PFKFB3: variants seen among roughly 807,000 people sequenced by gnomAD.
PFKFB3 encodes 6-phosphofructo-2-kinase/fructose-2,6-bisphosphatase 3.
In PFKFB3, 33 loss-of-function variants were observed where a neutral mutation model predicts 68.0. The observed-to-expected ratio is 0.49, with a 90% CI of 0.37 to 0.65. The LOEUF (loss-of-function observed/expected upper bound fraction) is 0.65. PFKFB3 is among the 30% of genes least tolerant of loss of function. PFKFB3 has a pLI of 0.00. For missense variants in PFKFB3, 586 were observed against 712.2 expected, an observed-to-expected ratio of 0.82 and a Z score of 2.02; for synonymous variants, 315 against 288.2, an observed-to-expected ratio of 1.09 and a Z score of -0.94.
At chr10:6,155,588 G>A (rs930866857) in intron 1 of PFKFB3, among the ~76,000 whole-genome samples, 7 of 152,074 alleles carry the variant, frequency 4.6e-5, no homozygotes, top group Non-Finnish European at 8.8e-5. Flanking sequence ...TTCCATAAAT[G>A]TCAAGGGCTC....
At position 6,219,658 on chromosome 10, in the gene PFKFB3, C is replaced by T. The variant is rs1429915734; in HGVS notation, c.588C>T (p.Ala196=). The T allele has an allele frequency of 1.9e-6, 3 of 1,613,786 alleles. No individual in the cohort carries two copies. The highest frequency in any genetic ancestry group is 2.7e-5 in the African/African-American group (2 of 74,920). Residue 196 remains alanine, a synonymous_variant, in exon 7 of 15, where the codon GCC becomes GCT. Coordinates refer to ENST00000379775, the MANE Select transcript of PFKFB3 (RefSeq NM_004566.4). ...TGAAGAGGATCAGTTGCTATGAAGC[C>T]AGCTACCAGCCCCTCGACCCCGACA... ...DFMKRISCYE[A]SYQPLDPDKC...
intron 14 of PFKFB3, among the ~76,000 whole-genome samples, chr10:6,244,692 G>C (rs966326002): frequency 6.6e-6 from 1 of 152,088 alleles, no homozygotes; most frequent in Admixed American, 6.6e-5. Flanking sequence ...AAGGATTAGG[G>C]AGGGATGAGA....
intron 2 of PFKFB3, among the ~76,000 whole-genome samples, 171 bp downstream of exon 2, chr10:6,213,919 T>A (rs550666291): frequency 6.6e-6 from 1 of 152,272 alleles, no homozygotes; most frequent in South Asian, 2.1e-4. Context: ...CTACACCCTT[T>A]TTCTTCTGTT....
chr10:6,240,168 G>T (rs1564230431), downstream of PFKFB3, among the ~76,000 whole-genome samples: 1 of 152,202 alleles, frequency 6.6e-6, no homozygotes, highest in Non-Finnish European at 1.5e-5. Context: ...CAGGACGTTT[G>T]CAAGTTAGCA....
intron 1 of PFKFB3, among the ~76,000 whole-genome samples, chr10:6,168,957 C>T (rs1359010069): frequency 6.6e-6 from 1 of 152,172 alleles, no homozygotes; most frequent in Non-Finnish European, 1.5e-5. Context: ...GTCCCCACTC[C>T]TTATGCTTTC....
intron 1 of PFKFB3, among the ~76,000 whole-genome samples, chr10:6,177,487 T>TCTTTCTTTCTTTC (rs1554842945): frequency 7.8e-6 from 1 of 128,922 alleles, no homozygotes; most frequent in Non-Finnish European, 1.7e-5. Context: ...TTTCTTTCTT[T>TCTTTCTTTCTTTC]TTCTTTTCTT....
At chr10:6,226,523 G>A (rs765147263) in intron 14 of PFKFB3, 158 bp downstream of exon 14, 26 of 648,682 alleles carry the variant, frequency 4.0e-5, no homozygotes, top group Non-Finnish European at 6.7e-5. Flanking sequence ...TGTGTTGTGG[G>A]GGCATGTGCA....
intron 1 of PFKFB3, among the ~76,000 whole-genome samples, chr10:6,186,854 G>T (rs1211855397): frequency 3.9e-5 from 6 of 152,076 alleles, no homozygotes; most frequent in Non-Finnish European, 8.8e-5. Flanking sequence ...TGTTGAAAAA[G>T]TATGTTATAG....
At chr10:6,264,517 ATGTCTTC>A in the PFKFB3 span, among the ~76,000 whole-genome samples, 5 of 152,104 alleles carry the variant, frequency 3.3e-5, no homozygotes, top group African/African-American at 9.7e-5. Context: ...TTTAATGTTT[ATGTCTTC>A]TGTGTAGATG....
intron 1 of PFKFB3, among the ~76,000 whole-genome samples, chr10:6,146,806 T>G (rs1432394964): frequency 1.3e-5 from 2 of 152,244 alleles, no homozygotes; most frequent in Non-Finnish European, 2.9e-5. Flanking sequence ...GACAAAACAT[T>G]TGCAAACTGC....
chr10:6,228,078 AG>A lies in PFKFB3; in HGVS notation c.1515+1715del, dbSNP rs1195179878. The A allele has an allele frequency of 9.3e-7, 1 of 1,076,358 alleles. No individual in the cohort carries two copies. The highest frequency in any genetic ancestry group is 1.4e-6 in the Non-Finnish European group (1 of 703,374). 66.7% of individuals were successfully genotyped at this position (1,076,358 alleles called of 1,614,324 possible). On this transcript the variant is annotated intron_variant, in intron 14 of 14. Transcript: ENST00000379775. This position sits in a 1 kb window ranked among gnomAD's most constrained non-coding sequence, Gnocchi z 4.5. ...GGGAGGACAGTCCTTCAGGGTGGCC[AG>A]GTTCTTAGGGACGTCTGAAGCTGCT...
chr10:6,189,102 G>C (rs1044531267), intron 1 of PFKFB3, among the ~76,000 whole-genome samples: 2 of 152,174 alleles, frequency 1.3e-5, no homozygotes, highest in South Asian at 4.1e-4. Flanking sequence ...GCCTCCCAAA[G>C]TGCTGGGATT....
downstream of PFKFB3, among the ~76,000 whole-genome samples, chr10:6,257,514 TG>T (rs1417507276): frequency 1.3e-5 from 2 of 151,974 alleles, no homozygotes; most frequent in African/African-American, 4.8e-5. Flanking sequence ...CTTGTAAGAG[TG>T]GCCAGGATGG....
At position 6,219,624 on chromosome 10, in the gene PFKFB3, A is replaced by G. The variant is rs767107653; in HGVS notation, c.554A>G (p.Asp185Gly). 10 of 1,613,952 alleles carry G rather than the reference A, an allele frequency of 6.2e-6. No homozygotes were observed. Among genetic ancestry groups the G allele is most frequent in the Non-Finnish European group, 8.5e-6 (10 of 1,179,860 alleles). ...GACTGCAACTCGGCAGAAGCCATGG[A>G]CGACTTCATGAAGAGGATCAGTTGC... ...YKDCNSAEAM[D>G]DFMKRISCYE... Residue 185 changes from aspartate to glycine, a missense_variant, in exon 7 of 15, where the codon GAC becomes GGC. Physicochemically the swap from Asp to Gly is moderately conservative, Grantham distance 94. Transcript: ENST00000379775.
chr10:6,202,753 C>G (rs1417745361), upstream of PFKFB3: 1 of 404,522 alleles, frequency 2.5e-6, no homozygotes, highest in Non-Finnish European at 3.4e-6. Flanking sequence ...GCGGCGGGAG[C>G]TGGTGCACCG....
chr10:6,205,518 G>A (rs1843624613), intron 1 of PFKFB3, among the ~76,000 whole-genome samples: 1 of 147,850 alleles, frequency 6.8e-6, no homozygotes, highest in Admixed American at 7.0e-5. Flanking sequence ...TCAGTCTCCC[G>A]AGAAGCTGGG....
upstream of PFKFB3, among the ~76,000 whole-genome samples, chr10:6,198,316 G>A (rs1376763309): frequency 3.3e-5 from 5 of 151,866 alleles, no homozygotes; most frequent in South Asian, 4.2e-4. Flanking sequence ...TGACAGGGTC[G>A]GGGCAGAGAG....
intron 14 of PFKFB3, among the ~76,000 whole-genome samples, chr10:6,251,829 G>A (rs199504534): frequency 6.6e-6 from 1 of 152,072 alleles, no homozygotes; most frequent in Non-Finnish European, 1.5e-5. Flanking sequence ...TTAGCCAGGT[G>A]TGGTGGCGGG....
chr10:6,161,442 G>A (rs1841966774), intron 1 of PFKFB3, among the ~76,000 whole-genome samples: 1 of 151,998 alleles, frequency 6.6e-6, no homozygotes, highest in Non-Finnish European at 1.5e-5. Flanking sequence ...CACTCACAAA[G>A]TGTGAATAAA....
Sources: allele counts gnomAD v4.1 joint callset (sites outside exome capture counted in the v4.1 genomes callset), GRCh38; gene constraint gnomAD v4.1.1; non-coding constraint Gnocchi (gnomAD v3.1); transcripts MANE v1.5; gene names NCBI Gene and HGNC (gene_info 2026-07-23, HGNC 2026-07-21).